Variants in NAA11 observed in about 807,000 individuals in gnomAD.
NAA11 encodes N-alpha-acetyltransferase 11, NatA catalytic subunit, also known as N-alpha-acetyltransferase 11.
A neutral mutation model predicts 16.1 loss-of-function variants in NAA11; 15 were observed. The observed-to-expected ratio is 0.93, with a 90% CI of 0.62 to 1.44. The LOEUF (loss-of-function observed/expected upper bound fraction) is 1.44. Ranked by LOEUF, NAA11 falls within the 40% of genes most tolerant of loss-of-function variation. NAA11 has a pLI of 0.00. For synonymous variants in NAA11, 122 were observed against 112.4 expected (o/e 1.09, Z -0.54); for missense variants, 298 against 291.3 (o/e 1.02, Z -0.17).
In NAA11 at chr4:79,325,926, G is replaced by A. The variant is rs1201662946; in HGVS notation, c.-49C>T. ...TTGGACTGCAGTGAACCCAGAAGAGGCTGTCGCCGACCTTAAGGGGCACTG... is the reference window on the plus strand; with the variant it reads ...TTGGACTGCAGTGAACCCAGAAGAGACTGTCGCCGACCTTAAGGGGCACTG... On this transcript the variant is annotated 5_prime_UTR_variant, in exon 1 of 2. Coordinates refer to ENST00000286794, the MANE Select transcript of NAA11 (RefSeq NM_032693.3). The A allele has an allele frequency of 1.3e-6, 2 of 1,529,816 alleles. No individual in the cohort carries two copies. Among genetic ancestry groups the A allele is most frequent in the Non-Finnish European group, 1.8e-6 (2 of 1,127,886 alleles). 94.8% of individuals were successfully genotyped at this position (1,529,816 alleles called of 1,614,324 possible). A position where few individuals can be genotyped will look rare whatever the true frequency, so the allele number is the denominator to read the frequency against.
chr4:79,174,116 A>G, the NAA11 span, among the ~76,000 whole-genome samples: 1 of 152,170 alleles, frequency 6.6e-6, no homozygotes, highest in Non-Finnish European at 1.5e-5. Context: ...TTATGTGAAG[A>G]ACAAATTGTT....
the NAA11 span, among the ~76,000 whole-genome samples, chr4:79,163,863 G>C: frequency 6.6e-6 from 1 of 152,156 alleles, no homozygotes; most frequent in African/African-American, 2.4e-5. Context: ...GTTTTATGCC[G>C]TGTGGAAGGA....
At chr4:79,172,592 C>T in the NAA11 span, among the ~76,000 whole-genome samples, 1 of 151,996 alleles carries the variant, frequency 6.6e-6, no homozygotes. Context: ...AGAATATTTC[C>T]TTTACAGCCT....
chr4:79,304,528 C>T (rs930591535), intron 1 of NAA11, among the ~76,000 whole-genome samples: 19 of 152,056 alleles, frequency 1.2e-4, no homozygotes, highest in Admixed American at 1.0e-3. Flanking sequence ...TTCTATATTT[C>T]GGCAAGAATA....
chr4:79,275,060 G>A (rs965434694), intron 2 of NAA11, among the ~76,000 whole-genome samples: 1 of 152,000 alleles, frequency 6.6e-6, no homozygotes, highest in African/African-American at 2.4e-5. Context: ...TGTAGTTCAA[G>A]ATGAATAAAA....
chr4:79,263,173 A>G (rs1040011809), intron 2 of NAA11, among the ~76,000 whole-genome samples: 1 of 152,216 alleles, frequency 6.6e-6, no homozygotes, highest in Admixed American at 6.5e-5. Context: ...CATAATAGAT[A>G]TTCAATAAAA....
chr4:79,286,163 AT>A (rs1309188886), intron 2 of NAA11, among the ~76,000 whole-genome samples: 1 of 152,094 alleles, frequency 6.6e-6, no homozygotes, highest in Non-Finnish European at 1.5e-5. Flanking sequence ...GATCAACTAA[AT>A]TTAAGAGAAT....
intron 2 of NAA11, among the ~76,000 whole-genome samples, chr4:79,289,274 C>T (rs1301676860): frequency 1.3e-5 from 2 of 152,152 alleles, no homozygotes; most frequent in Admixed American, 6.5e-5. Flanking sequence ...CTACATGACT[C>T]TGATATCATG....
intron 1 of NAA11, among the ~76,000 whole-genome samples, chr4:79,310,884 G>A (rs1723751519): frequency 6.6e-6 from 1 of 152,194 alleles, no homozygotes; most frequent in Non-Finnish European, 1.5e-5. Context: ...TGATATGGGA[G>A]TGTGGCTTAT....
the NAA11 span, among the ~76,000 whole-genome samples, chr4:79,203,075 GTATTTA>G: frequency 6.6e-6 from 1 of 151,432 alleles, no homozygotes; most frequent in African/African-American, 2.4e-5. Context: ...GAGTTTTTAA[GTATTTA>G]TTCTAATGAT....
At chr4:79,213,566 T>A in the NAA11 span, among the ~76,000 whole-genome samples, 3 of 17,366 alleles carry the variant, frequency 1.7e-4, no homozygotes, top group African/African-American at 2.3e-4. Flanking sequence ...AAAATGAACT[T>A]CTTATGATTA....
chr4:79,178,250 A>T, the NAA11 span, among the ~76,000 whole-genome samples: 1 of 152,208 alleles, frequency 6.6e-6, no homozygotes, highest in African/African-American at 2.4e-5. Context: ...TTCATTTGCA[A>T]AATAGGTGAT....
chr4:79,313,359 C>A (rs147918467), downstream of NAA11, among the ~76,000 whole-genome samples: 1 of 152,134 alleles, frequency 6.6e-6, no homozygotes, highest in Non-Finnish European at 1.5e-5. Context: ...AGGATATCCA[C>A]GTGGTCATAA....
At chr4:79,200,531 A>G in the NAA11 span, among the ~76,000 whole-genome samples, 3 of 151,808 alleles carry the variant, frequency 2.0e-5, no homozygotes, top group African/African-American at 7.2e-5. Context: ...TGCCTTCCTG[A>G]AAGAAGTGAT....
chr4:79,311,842 A>G (rs1452814028), downstream of NAA11, among the ~76,000 whole-genome samples: 1 of 152,208 alleles, frequency 6.6e-6, no homozygotes, highest in African/African-American at 2.4e-5. Flanking sequence ...AAGAACATGT[A>G]TTAAATGTTG....
rs556966672 is a variant in NAA11, at chr4:79,319,999, C to T, written c.*13-2208G>A. ...CAGAAAGGGAGAGTCACTGAAGTAA[C>T]CTTACTTAACTCAATGTTGCCAGCT... On this transcript the variant is annotated intron_variant, in intron 1 of 1. Transcript: ENST00000286794. Among the ~76,000 whole-genome samples, 282 of 152,318 alleles carry T rather than the reference C, an allele frequency of 1.9e-3. 1 individual carries two copies. The highest frequency in any genetic ancestry group is 0.017 in the Middle Eastern group (5 of 292).
intron 2 of NAA11, among the ~76,000 whole-genome samples, chr4:79,237,942 A>T (rs1217013890): frequency 6.6e-6 from 1 of 152,238 alleles, no homozygotes; most frequent in Non-Finnish European, 1.5e-5. Flanking sequence ...TTTGAAGTCG[A>T]CATAGGTCTT....
intron 2 of NAA11, among the ~76,000 whole-genome samples, chr4:79,236,820 G>A (rs1011164954): frequency 1.3e-5 from 2 of 152,090 alleles, no homozygotes; most frequent in African/African-American, 2.4e-5. Flanking sequence ...AACACTTCAT[G>A]GGACCCTTTT....
chr4:79,251,921 G>T (rs1722006806), intron 2 of NAA11, among the ~76,000 whole-genome samples: 1 of 152,110 alleles, frequency 6.6e-6, no homozygotes, highest in South Asian at 2.1e-4. Context: ...ATTCACAATA[G>T]CAAAGTCATG....
Sources: allele counts gnomAD v4.1 joint callset (sites outside exome capture counted in the v4.1 genomes callset), GRCh38; gene constraint gnomAD v4.1.1; transcripts MANE v1.5; gene names NCBI Gene and HGNC (gene_info 2026-07-23, HGNC 2026-07-21).